HEATR4: variants seen among roughly 807,000 people sequenced by gnomAD.
HEATR4 encodes the protein HEAT repeat containing 4, also known as HEAT repeat-containing protein 4.
A neutral mutation model predicts 108.8 loss-of-function variants in HEATR4; 95 were observed. That is an observed-to-expected ratio of 0.87 (90% CI 0.74 to 1.04). The LOEUF (loss-of-function observed/expected upper bound fraction) is 1.04, where lower values mean the gene tolerates loss of function less well. Ranked by LOEUF, HEATR4 falls within the 50% of genes least tolerant of loss-of-function variation. The pLI, the probability that HEATR4 is intolerant of heterozygous loss-of-function variation, is 0.00. For synonymous variants in HEATR4, 443 were observed against 459.4 expected, an observed-to-expected ratio of 0.96 and a Z score of 0.46; for missense variants, 1,152 against 1,253.8, an observed-to-expected ratio of 0.92 and a Z score of 1.23.
chr14:73,505,005 C>T lies in HEATR4; in HGVS notation c.1986+1462G>A, dbSNP rs186461572. Among the ~76,000 whole-genome samples the T allele has an allele frequency of 1.4e-3, 206 of 152,090 alleles. 1 individual carries two copies. The highest frequency in any genetic ancestry group is 4.8e-3 in the African/African-American group (200 of 41,506). On this transcript the variant is annotated intron_variant, in intron 10 of 17. Transcript: ENST00000553558. ...GGAGTGCAGTGGCACGATCTTGGCT[C>T]ACTGAAACCGCCGCCTCCCAGGTTT... is the stretch of plus-strand genomic sequence containing the variant.
At chr14:73,503,066 T>A in intron 10 of HEATR4, 53 bp from the exon 11 acceptor site, 1 of 1,379,284 alleles carries the variant, frequency 7.3e-7, no homozygotes, top group Non-Finnish European at 1.0e-6. Context: ...GTTAATTTTG[T>A]GCTTGGCGTT....
At chr14:73,628,060 T>C in the HEATR4 span, among the ~76,000 whole-genome samples, 1 of 151,784 alleles carries the variant, frequency 6.6e-6, no homozygotes, top group Non-Finnish European at 1.5e-5. Context: ...CTGCCCGCCT[T>C]GGCCTCCCAA....
intron 17 of HEATR4, among the ~76,000 whole-genome samples, chr14:73,484,750 G>A (rs979049296): frequency 6.6e-6 from 1 of 151,864 alleles, no homozygotes; most frequent in Non-Finnish European, 1.5e-5. Flanking sequence ...ATTGCCCAGA[G>A]GGAACTTCTT....
the HEATR4 span, chr14:73,569,624 C>G: frequency 1.9e-6 from 3 of 1,600,936 alleles, no homozygotes; most frequent in South Asian, 2.2e-5. Flanking sequence ...AGCGCGCGCC[C>G]GCGCTGGGCG....
the HEATR4 span, chr14:73,619,993 C>A: frequency 3.7e-6 from 3 of 817,044 alleles, no homozygotes; most frequent in Non-Finnish European, 5.4e-6. Context: ...CTCACTGTAA[C>A]CTCTGCCTCC....
chr14:73,613,131 T>C, the HEATR4 span: 2 of 498,678 alleles, frequency 4.0e-6, no homozygotes, highest in Non-Finnish European at 6.9e-6. Context: ...ACTTGTTCCT[T>C]CGCTCCAGAG....
At position 73,509,599 on chromosome 14, in the gene HEATR4, T is replaced by A. The variant is rs956974393; in HGVS notation, c.1559-126A>T. 21 of 886,990 alleles carry A rather than the reference T, an allele frequency of 2.4e-5. No individual in the cohort carries two copies. The South Asian group carries it at 2.7e-4, about 11-fold the overall frequency. 54.9% of individuals were successfully genotyped at this position (886,990 alleles called of 1,614,324 possible). A position where few individuals can be genotyped will look rare whatever the true frequency, so the allele number is the denominator to read the frequency against. ...TGCAGTTGCTTAGTGCTATGTAATA[T>A]AATTACAGTTTAGCTGAGCCCTTCA... On this transcript the variant is annotated intron_variant, in intron 7 of 17. Transcript: ENST00000553558.
the HEATR4 span, among the ~76,000 whole-genome samples, chr14:73,618,927 T>C: frequency 1.3e-5 from 2 of 152,116 alleles, no homozygotes; most frequent in South Asian, 4.1e-4. Context: ...GGTCAGAAGT[T>C]TGAGACCAGC....
rs1428721490 is a variant in HEATR4 at position 73,544,153 on chromosome 14, G to T, written c.-151-13909C>A. 4.4e-5 allele frequency among the ~76,000 whole-genome samples: 5 copies of T among 114,152 alleles called. 1 individual carries two copies. The highest frequency in any genetic ancestry group is 7.6e-5 in the Non-Finnish European group (4 of 52,442). 74.9% of individuals were successfully genotyped at this position (114,152 alleles called of 152,430 possible). On this transcript the variant is annotated intron_variant, in intron 1 of 17. Transcript: ENST00000553558. ...ACTAAAAATACAAAAAATTAGCCGG[G>T]CGTGGTGGCGCATGCCTGTAGTCCC...
At chr14:73,523,770 C>T (rs896022727) in intron 2 of HEATR4, among the ~76,000 whole-genome samples, 1 of 152,172 alleles carries the variant, frequency 6.6e-6, no homozygotes. Context: ...TCAATTTGTG[C>T]TGCTCCATAA....
chr14:73,633,588 A>C, the HEATR4 span: 1 of 152,232 alleles, frequency 6.6e-6, no homozygotes, highest in Non-Finnish European at 1.5e-5. Context: ...GGCCTCCTTC[A>C]ATCAGGCTTA....
chr14:73,553,758 C>T (rs1889359253), intron 1 of HEATR4, among the ~76,000 whole-genome samples: 1 of 112,710 alleles, frequency 8.9e-6, no homozygotes, highest in Non-Finnish European at 1.9e-5. Flanking sequence ...CCTCAGCCTC[C>T]CTAGTAGCTG....
chr14:73,598,277 C>T, the HEATR4 span, among the ~76,000 whole-genome samples: 1 of 146,102 alleles, frequency 6.8e-6, no homozygotes. Context: ...GTAGTCCCAG[C>T]TACTTGGGAG....
At chr14:73,558,513 A>ATTTT (rs66706377) in intron 1 of HEATR4, among the ~76,000 whole-genome samples, 28 of 73,526 alleles carry the variant, frequency 3.8e-4, no homozygotes, top group South Asian at 5.8e-4. Context: ...TCTCGGTTAA[A>ATTTT]TTTTTTTTTT....
the HEATR4 span, among the ~76,000 whole-genome samples, chr14:73,578,651 T>A: frequency 2.1e-4 from 32 of 152,058 alleles, no homozygotes; most frequent in Admixed American, 9.8e-4. Flanking sequence ...AATGATTGAT[T>A]GATTGATTTT....
At chr14:73,627,750 A>G in the HEATR4 span, among the ~76,000 whole-genome samples, 1 of 150,738 alleles carries the variant, frequency 6.6e-6, no homozygotes, top group Non-Finnish European at 1.5e-5. Context: ...ATTGGTGATC[A>G]GCTTAACCCT....
the HEATR4 span, among the ~76,000 whole-genome samples, chr14:73,575,975 A>T: frequency 6.6e-6 from 1 of 151,610 alleles, no homozygotes; most frequent in African/African-American, 2.4e-5. Context: ...AACGTGATGA[A>T]ACCCCATCTC....
At chr14:73,569,786 G>A in the HEATR4 span, 1 of 1,605,296 alleles carries the variant, frequency 6.2e-7, no homozygotes, top group Admixed American at 1.7e-5. Flanking sequence ...GGCGGCTGCT[G>A]TGCCAGACGC....
At chr14:73,597,113 T>C in the HEATR4 span, among the ~76,000 whole-genome samples, 2 of 151,946 alleles carry the variant, frequency 1.3e-5, no homozygotes, top group African/African-American at 4.8e-5. Flanking sequence ...AGATAGAGTC[T>C]GGCTCTGTCA....
Sources: allele counts gnomAD v4.1 joint callset (sites outside exome capture counted in the v4.1 genomes callset), GRCh38; gene constraint gnomAD v4.1.1; transcripts MANE v1.5; gene names NCBI Gene and HGNC (gene_info 2026-07-23, HGNC 2026-07-21).